The following HNRNPF variants were observed in gnomAD, a reference collection of about 807,000 sequenced individuals.
HNRNPF encodes the protein heterogeneous nuclear ribonucleoprotein F.
In HNRNPF, 2 loss-of-function variants were observed where a neutral mutation model predicts 26.0. The ratio of observed to expected loss-of-function variants is 0.08; its 90% confidence interval spans 0.03 to 0.24. HNRNPF has a LOEUF of 0.24. Among genes scored for constraint, HNRNPF ranks in the 10% least tolerant of loss-of-function variants. HNRNPF has a pLI of 1.00. For synonymous variants in HNRNPF, 234 were observed against 211.5 expected (o/e 1.11, Z -0.92); for missense variants, 299 against 539.2 (o/e 0.55, Z 4.41).
intron 1 of HNRNPF, among the ~76,000 whole-genome samples, chr10:43,401,587 C>T (rs1235062316): frequency 6.6e-6 from 1 of 152,138 alleles, no homozygotes; most frequent in Admixed American, 6.5e-5. Flanking sequence ...TTTGGATTAG[C>T]TGGAGTAACT....
At chr10:43,398,991 C>T (rs1035583723) in intron 1 of HNRNPF, among the ~76,000 whole-genome samples, 1 of 152,186 alleles carries the variant, frequency 6.6e-6, no homozygotes, top group Admixed American at 6.5e-5. Context: ...AAAGAACCCA[C>T]AGAATTATGG....
At chr10:43,401,835 C>G (rs181018211) in intron 1 of HNRNPF, among the ~76,000 whole-genome samples, 15 of 152,224 alleles carry the variant, frequency 9.9e-5, no homozygotes, top group African/African-American at 3.1e-4. Context: ...CTGAAGCCTC[C>G]ATGGAAACAT....
chr10:43,391,941 C>G (rs1838266229), intron 3 of HNRNPF, among the ~76,000 whole-genome samples: 1 of 152,148 alleles, frequency 6.6e-6, no homozygotes, highest in Non-Finnish European at 1.5e-5. Flanking sequence ...CCACTCCCCT[C>G]CATTAAAACT....
At chr10:43,391,215 C>T (rs987804609) in intron 3 of HNRNPF, among the ~76,000 whole-genome samples, 1 of 151,826 alleles carries the variant, frequency 6.6e-6, no homozygotes, top group African/African-American at 2.4e-5. Context: ...ATCGCTTGAA[C>T]CTGGGAGGCA....
intron 3 of HNRNPF, among the ~76,000 whole-genome samples, chr10:43,388,983 T>C (rs1342628960): frequency 6.6e-6 from 1 of 150,964 alleles, no homozygotes; most frequent in Non-Finnish European, 1.5e-5. Flanking sequence ...TTTTTTTTTT[T>C]TTTTTTGAGA....
intron 1 of HNRNPF, among the ~76,000 whole-genome samples, chr10:43,397,977 A>G (rs1334939918): frequency 6.6e-6 from 1 of 152,076 alleles, no homozygotes; most frequent in Non-Finnish European, 1.5e-5. Context: ...GTATACATAG[A>G]GTTTCATTAC....
chr10:43,404,693 A>G (rs1838857719), intron 1 of HNRNPF, among the ~76,000 whole-genome samples: 1 of 151,990 alleles, frequency 6.6e-6, no homozygotes, highest in Non-Finnish European at 1.5e-5. Context: ...CTCCGTCTCT[A>G]CTAAAAATAC....
At chr10:43,406,124 A>T (rs1838911096) in intron 1 of HNRNPF, among the ~76,000 whole-genome samples, 1 of 152,194 alleles carries the variant, frequency 6.6e-6, no homozygotes, top group African/African-American at 2.4e-5. Flanking sequence ...ACCTAGTAAG[A>T]GTCAACTAAT....
At chr10:43,395,007 A>C (rs1838416894) in intron 2 of HNRNPF, among the ~76,000 whole-genome samples, 1 of 152,090 alleles carries the variant, frequency 6.6e-6, no homozygotes, top group Non-Finnish European at 1.5e-5. Context: ...TTTTAGTAGA[A>C]ATGGGATTTC....
At chr10:43,398,814 G>A (rs779060152) in intron 1 of HNRNPF, among the ~76,000 whole-genome samples, 38 of 152,062 alleles carry the variant, frequency 2.5e-4, no homozygotes, top group Non-Finnish European at 5.3e-4. Context: ...ACCACACCCG[G>A]CTAATACAAC....
chr10:43,408,941 C>T (rs1434267580), intron 1 of HNRNPF, 190 bp downstream of exon 1: 2 of 152,402 alleles, frequency 1.3e-5, no homozygotes, highest in Admixed American at 6.5e-5. Context: ...ATCCTCAGCG[C>T]CTGCCCGTCG....
rs146819332 is a variant in HNRNPF, at chr10:43,387,275, C to T, written c.610G>A (p.Val204Met). Reference protein sequence around the residue: ...YSDPPLKFMSVQRPGPYDRPG... With the variant: ...YSDPPLKFMSMQRPGPYDRPG... ...CGGTCATAGGGCCCTGGCCGCTGCA[C>T]GGACATGAACTTCAGAGGGGGATCT... Residue 204 changes from valine to methionine, a missense_variant, in exon 4 of 4, where the codon GTG becomes ATG. Coordinates refer to ENST00000682386, the MANE Select transcript of HNRNPF (RefSeq NM_001098204.2). The surrounding 1 kb of genome is among the most constrained non-coding windows in gnomAD (Gnocchi z 6.0). The T allele has an allele frequency of 4.6e-4, 739 of 1,614,198 alleles. 10 individuals carry two copies. The East Asian group carries it at 0.015, about 33-fold the overall frequency.
At chr10:43,400,739 G>C (rs373186587) in intron 1 of HNRNPF, among the ~76,000 whole-genome samples, 4 of 152,152 alleles carry the variant, frequency 2.6e-5, no homozygotes, top group African/African-American at 9.7e-5. Flanking sequence ...TGAAGTGTGA[G>C]AATTCTAACC....
chr10:43,399,231 T>C (rs564332211), intron 1 of HNRNPF, among the ~76,000 whole-genome samples: 1 of 152,180 alleles, frequency 6.6e-6, no homozygotes, highest in East Asian at 1.9e-4. Flanking sequence ...CACAGGTGCA[T>C]GCCACCAAGC....
At chr10:43,394,558 C>G (rs907305077) in intron 3 of HNRNPF, 72 bp downstream of exon 3, 1 of 152,150 alleles carries the variant, frequency 6.6e-6, no homozygotes, top group Non-Finnish European at 1.5e-5. Context: ...TCACTCCAGG[C>G]TGCTAAACAA....
At chr10:43,391,256 G>C (rs956520852) in intron 3 of HNRNPF, among the ~76,000 whole-genome samples, 11 of 149,536 alleles carry the variant, frequency 7.4e-5, no homozygotes, top group African/African-American at 2.7e-4. Context: ...TCGCACCACT[G>C]CACTCCAGCC....
chr10:43,403,603 A>G (rs1838820086), intron 1 of HNRNPF, among the ~76,000 whole-genome samples: 1 of 152,224 alleles, frequency 6.6e-6, no homozygotes, highest in South Asian at 2.1e-4. Flanking sequence ...GATCATTTCA[A>G]ACTCAATCAC....
intron 1 of HNRNPF, among the ~76,000 whole-genome samples, chr10:43,408,006 C>G (rs1179909849): frequency 1.3e-5 from 2 of 152,226 alleles, no homozygotes; most frequent in Non-Finnish European, 1.5e-5. Flanking sequence ...GTCACTGCAG[C>G]CTCGACCTCA....
intron 2 of HNRNPF, among the ~76,000 whole-genome samples, chr10:43,395,161 TG>T (rs1311814557): frequency 6.6e-6 from 1 of 151,604 alleles, no homozygotes; most frequent in African/African-American, 2.4e-5. Flanking sequence ...GGGAGATGGG[TG>T]GGGGAGAAGT....
Sources: allele counts gnomAD v4.1 joint callset (sites outside exome capture counted in the v4.1 genomes callset), GRCh38; gene constraint gnomAD v4.1.1; non-coding constraint Gnocchi (gnomAD v3.1); transcripts MANE v1.5; gene names NCBI Gene and HGNC (gene_info 2026-07-23, HGNC 2026-07-21).